Variants in TTLL5 observed in about 807,000 individuals in gnomAD.
The protein encoded by TTLL5 is tubulin polyglutamylase TTLL5.
In TTLL5, 132 loss-of-function variants were observed where a neutral mutation model predicts 168.4. The ratio of observed to expected loss-of-function variants is 0.78; its 90% CI spans 0.68 to 0.91. The LOEUF (loss-of-function observed/expected upper bound fraction) is 0.91. Among genes scored for constraint, TTLL5 ranks in the 40% least tolerant of loss-of-function variants. TTLL5 has a pLI of 0.00. For synonymous variants in TTLL5, 546 were observed against 558.6 expected, an observed-to-expected ratio of 0.98 and a Z score of 0.32; for missense variants, 1,545 against 1,581.5, an observed-to-expected ratio of 0.98 and a Z score of 0.39.
At chr14:75,718,904 T>A (rs1183732390) in intron 10 of TTLL5, among the ~76,000 whole-genome samples, 3 of 152,174 alleles carry the variant, frequency 2.0e-5, no homozygotes, top group Admixed American at 6.5e-5. Flanking sequence ...AATCTGGAAG[T>A]GATAGAATAG....
intron 31 of TTLL5, among the ~76,000 whole-genome samples, chr14:75,925,471 G>A (rs1290612066): frequency 7.0e-6 from 1 of 142,204 alleles, no homozygotes; most frequent in East Asian, 2.1e-4. Flanking sequence ...GGGCAGAGGC[G>A]CTCCCCACAT....
intron 29 of TTLL5, among the ~76,000 whole-genome samples, chr14:75,876,973 G>T (rs1305522840): frequency 6.6e-6 from 1 of 152,206 alleles, no homozygotes; most frequent in Non-Finnish European, 1.5e-5. Context: ...CAATAGTTTA[G>T]CTTCCAGAGG....
At chr14:75,891,986 C>T (rs182334999) in intron 30 of TTLL5, among the ~76,000 whole-genome samples, 19 of 152,260 alleles carry the variant, frequency 1.2e-4, no homozygotes, top group African/African-American at 4.6e-4. Context: ...GCTCTTGTTT[C>T]CTACTAAAAG....
At chr14:75,789,214 C>G (rs1279596983) in intron 26 of TTLL5, among the ~76,000 whole-genome samples, 1 of 152,068 alleles carries the variant, frequency 6.6e-6, no homozygotes, top group Non-Finnish European at 1.5e-5. Context: ...TTCCTTCTGT[C>G]CAGTGTTTTA....
chr14:75,683,611 T>C lies in TTLL5; in HGVS notation c.326T>C (p.Leu109Ser). Residue 109 changes from leucine to serine, a missense_variant, in exon 5 of 32, where the codon TTA (leucine) becomes TCA (serine). Coordinates refer to ENST00000298832, the MANE Select transcript of TTLL5 (RefSeq NM_015072.5). ...ACAGGATCCCACCTGAAGCCCTTCT[T>C]ACTGCGCACCCTCTCTGAAGCACAA... is the stretch of plus-strand genomic sequence containing the variant. ...MWTGSHLKPFLLRTLSEAQKV... is the reference protein window; with the variant it reads ...MWTGSHLKPFSLRTLSEAQKV... 6.2e-7 allele frequency: 1 copy of C among 1,614,066 alleles called. No homozygotes were observed. The highest frequency in any genetic ancestry group is 8.5e-7 in the Non-Finnish European group (1 of 1,179,936).
At chr14:75,722,175 CCTT>C (rs1237723147) in intron 12 of TTLL5, among the ~76,000 whole-genome samples, 1 of 152,098 alleles carries the variant, frequency 6.6e-6, no homozygotes, top group Admixed American at 6.6e-5. Context: ...TAAAAACTCT[CCTT>C]CTGTCTCTGC....
chr14:75,886,981 G>A, intron 30 of TTLL5: 2 of 1,406,244 alleles, frequency 1.4e-6, no homozygotes, highest in Non-Finnish European at 9.2e-7. Flanking sequence ...AAAGAAAACT[G>A]TTTAAGAAAC....
At chr14:75,756,532 G>C (rs1890273263) in intron 18 of TTLL5, among the ~76,000 whole-genome samples, 1 of 149,110 alleles carries the variant, frequency 6.7e-6, no homozygotes, top group South Asian at 2.1e-4. Context: ...TTTTGAGACA[G>C]TGTCTCACTC....
chr14:75,770,146 C>T (rs751192836), intron 20 of TTLL5, among the ~76,000 whole-genome samples: 1 of 131,196 alleles, frequency 7.6e-6, no homozygotes, highest in South Asian at 2.4e-4. Flanking sequence ...CCACTGCACT[C>T]CAGCCTGGGT....
intron 28 of TTLL5, among the ~76,000 whole-genome samples, chr14:75,846,611 A>G (rs1311835787): frequency 6.6e-6 from 1 of 151,936 alleles, no homozygotes; most frequent in Non-Finnish European, 1.5e-5. Flanking sequence ...TCCAACATGG[A>G]GAAACCCTGT....
At chr14:75,934,022 A>G (rs944196245) in intron 31 of TTLL5, among the ~76,000 whole-genome samples, 1 of 152,234 alleles carries the variant, frequency 6.6e-6, no homozygotes, top group African/African-American at 2.4e-5. Flanking sequence ...TCAGCCACTT[A>G]GTATGTGACA....
chr14:75,830,638 T>C (rs1895508098), intron 28 of TTLL5, among the ~76,000 whole-genome samples: 1 of 152,236 alleles, frequency 6.6e-6, no homozygotes, highest in African/African-American at 2.4e-5. Context: ...CTTGTATATT[T>C]TCCCATCACC....
intron 31 of TTLL5, among the ~76,000 whole-genome samples, chr14:75,937,087 A>C (rs562594264): frequency 1.3e-5 from 2 of 151,744 alleles, no homozygotes; most frequent in African/African-American, 4.8e-5. Context: ...TGCTGTTTCA[A>C]CCATTTTTAA....
At chr14:75,800,623 G>C (rs1290750365) in intron 27 of TTLL5, among the ~76,000 whole-genome samples, 4 of 152,178 alleles carry the variant, frequency 2.6e-5, no homozygotes, top group African/African-American at 9.7e-5. Flanking sequence ...CTGGGTTGAA[G>C]GGCTGCTGTT....
intron 20 of TTLL5, among the ~76,000 whole-genome samples, chr14:75,767,540 A>C (rs1291743272): frequency 6.6e-6 from 1 of 152,248 alleles, no homozygotes; most frequent in Non-Finnish European, 1.5e-5. Flanking sequence ...CAAGTACAAA[A>C]GCCCAGACAT....
Position 75,820,133 on chromosome 14 carries a change from G to T in TTLL5, c.3298G>T (p.Glu1100Ter). 6.3e-7 allele frequency: 1 copy of T among 1,599,020 alleles called. No individual in the cohort carries two copies. The highest frequency in any genetic ancestry group is 8.5e-7 in the Non-Finnish European group (1 of 1,173,464). Residue 1100 changes from glutamate (E) to a stop codon, truncating the protein, a stop_gained, in exon 28 of 32, where the codon GAG becomes TAG. Transcript: ENST00000298832. LOFTEE classifies it high-confidence loss of function. Reference protein sequence around the residue: ...WSTQSDPQAPENHSSSPGSRS... With the variant: ...WSTQSDPQAP The stretch of plus-strand genomic sequence containing the variant: ...TACACAGTCAGACCCCCAAGCTCCC[G>T]AGAATCACTCCAGCTCTCCTGGAAG...
chr14:75,775,743 A>G, intron 22 of TTLL5, 113 bp downstream of exon 22: 2 of 1,353,896 alleles, frequency 1.5e-6, no homozygotes, highest in African/African-American at 1.5e-5. Flanking sequence ...GTTCTCTGGC[A>G]TCACCATCCC....
chr14:75,847,222 C>T (rs1354858684), intron 28 of TTLL5, among the ~76,000 whole-genome samples: 2 of 151,970 alleles, frequency 1.3e-5, no homozygotes, highest in Non-Finnish European at 2.9e-5. Flanking sequence ...AGTCTGGTCT[C>T]AAACTCCTGA....
intron 31 of TTLL5, among the ~76,000 whole-genome samples, chr14:75,927,512 T>C (rs1413330876): frequency 6.6e-6 from 1 of 152,150 alleles, no homozygotes; most frequent in African/African-American, 2.4e-5. Context: ...CCCTTCAACA[T>C]AAGCAAATTG....
Sources: gnomAD v4.1 joint callset for allele counts (sites outside exome capture counted in the v4.1 genomes callset) on GRCh38, gnomAD v4.1.1 for gene constraint, MANE v1.5 for transcripts, NCBI Gene and HGNC (gene_info 2026-07-23, HGNC 2026-07-21) for gene names.